Variants in SLC2A13 observed in about 807,000 individuals in gnomAD.
SLC2A13 encodes the protein proton myo-inositol cotransporter.
Under a neutral mutation model 64.4 loss-of-function variants are expected in SLC2A13, and 32 were observed. The observed-to-expected ratio is 0.50, with a 90% CI of 0.37 to 0.67. The LOEUF (loss-of-function observed/expected upper bound fraction) is 0.67. Among genes scored for constraint, SLC2A13 ranks in the 30% least tolerant of loss-of-function variants. The probability of loss-of-function intolerance (pLI) is 0.00; values close to 1 mark genes in which losing one functional copy is unlikely to be tolerated. For synonymous variants in SLC2A13, 338 were observed against 327.1 expected (o/e 1.03, Z -0.36); for missense variants, 743 against 829.2 (o/e 0.90, Z 1.28).
chr12:39,829,908 G>T, intron 7 of SLC2A13, 195 bp downstream of exon 7: 1 of 680,498 alleles, frequency 1.5e-6, no homozygotes, highest in Non-Finnish European at 2.4e-6. Context: ...GTCTAGGCCT[G>T]AGTGCTTTCT....
chr12:39,869,243 G>A (rs544055006), intron 5 of SLC2A13, among the ~76,000 whole-genome samples: 5 of 152,312 alleles, frequency 3.3e-5, no homozygotes, highest in African/African-American at 1.2e-4. Context: ...TAATACTAAT[G>A]TGTTAACAAG....
chr12:39,775,495 G>T (rs999903236), intron 7 of SLC2A13, among the ~76,000 whole-genome samples: 1 of 152,202 alleles, frequency 6.6e-6, no homozygotes, highest in South Asian at 2.1e-4. Context: ...TCTGCCTTGG[G>T]GAGGGTCCAC....
intron 6 of SLC2A13, among the ~76,000 whole-genome samples, chr12:39,849,475 G>T (rs1943408087): frequency 6.6e-6 from 1 of 152,142 alleles, no homozygotes; most frequent in Non-Finnish European, 1.5e-5. Context: ...GACTTTTCTA[G>T]CTTGTCAAGG....
chr12:39,959,123 C>A (rs1220911765), intron 3 of SLC2A13, among the ~76,000 whole-genome samples: 1 of 152,140 alleles, frequency 6.6e-6, no homozygotes, highest in Non-Finnish European at 1.5e-5. Flanking sequence ...TTTGAGTATA[C>A]TCCAAGTTGC....
chr12:40,022,291 T>G (rs963944115), intron 3 of SLC2A13, among the ~76,000 whole-genome samples: 23 of 152,242 alleles, frequency 1.5e-4, no homozygotes, highest in Admixed American at 4.6e-4. Flanking sequence ...GGCTTGCATA[T>G]TTTCACATAG....
In SLC2A13 at chr12:39,996,347, C is replaced by T. The variant is rs149990154; in HGVS notation, c.925+31954G>A. On this transcript the variant is annotated intron_variant, in intron 3 of 9. Coordinates refer to ENST00000280871, the MANE Select transcript of SLC2A13 (RefSeq NM_052885.4). Reference sequence around the variant, plus strand: ...TGCTGTTAAAGACATTCAGTTTTATCAGGGAAGCACAGCATAAAAGTTTGG... The same window carrying T: ...TGCTGTTAAAGACATTCAGTTTTATTAGGGAAGCACAGCATAAAAGTTTGG... Among the ~76,000 whole-genome samples, 15 of 152,276 alleles carry T rather than the reference C, an allele frequency of 9.9e-5. No individual in the cohort carries two copies. The East Asian group carries it at 2.9e-3, about 29-fold the overall frequency.
intron 7 of SLC2A13, among the ~76,000 whole-genome samples, chr12:39,821,854 A>C (rs1942520831): frequency 6.6e-6 from 1 of 152,204 alleles, no homozygotes; most frequent in South Asian, 2.1e-4. Context: ...GAACAATAAT[A>C]CAATCGATCA....
chr12:40,035,406 T>A (rs1947966716), intron 2 of SLC2A13, among the ~76,000 whole-genome samples: 2 of 152,198 alleles, frequency 1.3e-5, no homozygotes, highest in Admixed American at 1.3e-4. Flanking sequence ...AGTTCATGCT[T>A]CACAAGTCTA....
intron 4 of SLC2A13, among the ~76,000 whole-genome samples, chr12:39,943,113 C>T (rs1565553983): frequency 6.6e-6 from 1 of 152,176 alleles, no homozygotes; most frequent in South Asian, 2.1e-4. Context: ...GCTGCCTGTT[C>T]CTTCCTCTGG....
chr12:40,055,914 C>A (rs1359708709), intron 1 of SLC2A13, among the ~76,000 whole-genome samples: 5 of 151,016 alleles, frequency 3.3e-5, no homozygotes, highest in African/African-American at 7.3e-5. Flanking sequence ...ATATAGGAGA[C>A]CAACTGAGTG....
At chr12:39,821,801 A>T (rs1476022146) in intron 7 of SLC2A13, among the ~76,000 whole-genome samples, 1 of 152,204 alleles carries the variant, frequency 6.6e-6, no homozygotes, top group African/African-American at 2.4e-5. Flanking sequence ...TGAATGGGCC[A>T]GGGAAATACA....
At chr12:39,936,304 G>A (rs1480761844) in intron 4 of SLC2A13, among the ~76,000 whole-genome samples, 1 of 152,114 alleles carries the variant, frequency 6.6e-6, no homozygotes, top group Non-Finnish European at 1.5e-5. Flanking sequence ...AATCTATTGT[G>A]GATGCTTGAA....
chr12:39,929,005 A>T, intron 4 of SLC2A13, among the ~76,000 whole-genome samples: 1 of 152,186 alleles, frequency 6.6e-6, no homozygotes, highest in East Asian at 1.9e-4. Flanking sequence ...GAGGAGACAG[A>T]GGTGTCCTGT....
intron 6 of SLC2A13, among the ~76,000 whole-genome samples, chr12:39,843,151 G>A (rs1943219869): frequency 6.6e-6 from 1 of 151,926 alleles, no homozygotes; most frequent in South Asian, 2.1e-4. Context: ...TGGAATTGCT[G>A]GGTCATATAA....
At position 40,105,254 on chromosome 12, in the gene SLC2A13, G is replaced by A. The variant is rs892689293; in HGVS notation, c.555C>T (p.Ile185=). Residue 185 remains isoleucine (I), a splice_region_variant and synonymous_variant, in exon 1 of 10, where the codon ATC becomes ATT. Coordinates refer to ENST00000280871, the MANE Select transcript of SLC2A13 (RefSeq NM_052885.4). The surrounding 1 kb of genome is among the most constrained non-coding windows in gnomAD (Gnocchi z 4.2). ...LAGRLVVGLG[I]GIASMTVPVY... is the part of the protein sequence containing the mutation. Reference sequence around the variant, plus strand: ...GCCCTTCACGGAGCCCGAACTCACCGATGCCGAGTCCCACGACCAGGCGGC... The same window carrying A: ...GCCCTTCACGGAGCCCGAACTCACCAATGCCGAGTCCCACGACCAGGCGGC... 3 of 1,588,110 alleles carry A rather than the reference G, an allele frequency of 1.9e-6. No homozygotes were observed. The highest frequency in any genetic ancestry group is 1.4e-5 in the African/African-American group (1 of 73,496).
chr12:39,960,116 T>A (rs565916132), intron 3 of SLC2A13, among the ~76,000 whole-genome samples: 1 of 152,292 alleles, frequency 6.6e-6, no homozygotes, highest in South Asian at 2.1e-4. Flanking sequence ...TTTATTGGGG[T>A]CTGCTAAAAT....
At chr12:39,889,873 T>C (rs143617978) in intron 4 of SLC2A13, among the ~76,000 whole-genome samples, 67 of 152,282 alleles carry the variant, frequency 4.4e-4, no homozygotes, top group African/African-American at 1.5e-3. Context: ...TTGTTTTTAT[T>C]ATCCAATATT....
At chr12:40,050,124 T>C (rs1347810144) in intron 1 of SLC2A13, among the ~76,000 whole-genome samples, 1 of 152,240 alleles carries the variant, frequency 6.6e-6, no homozygotes, top group Non-Finnish European at 1.5e-5. Flanking sequence ...GCTGCAAATG[T>C]TGACACGGGA....
chr12:39,999,314 A>G (rs1287991606), intron 3 of SLC2A13, among the ~76,000 whole-genome samples: 2 of 152,312 alleles, frequency 1.3e-5, no homozygotes, highest in Middle Eastern at 3.4e-3. Flanking sequence ...AGGCAAAAAG[A>G]GCCATATTTT....
Sources: allele counts gnomAD v4.1 joint callset (sites outside exome capture counted in the v4.1 genomes callset), GRCh38; gene constraint gnomAD v4.1.1; non-coding constraint Gnocchi (gnomAD v3.1); transcripts MANE v1.5; gene names NCBI Gene and HGNC (gene_info 2026-07-23, HGNC 2026-07-21).